The following ANK1 variants were observed in gnomAD, a reference collection of about 807,000 sequenced individuals.
ANK1 encodes the protein ankyrin 1.
ANK1 carries 51 observed loss-of-function variants against 210.4 expected under a neutral mutation model. That is an observed-to-expected ratio of 0.24 (90% CI 0.19 to 0.31). The LOEUF (loss-of-function observed/expected upper bound fraction) is 0.31, where lower values mean the gene tolerates loss of function less well. ANK1 is among the 10% of genes least tolerant of loss of function. The probability of loss-of-function intolerance (pLI) is 1.00; values close to 1 mark genes in which losing one functional copy is unlikely to be tolerated. For missense variants in ANK1, 2,051 were observed against 2,504.4 expected, an observed-to-expected ratio of 0.82 and a Z score of 3.86; for synonymous variants, 967 against 1,025.9, an observed-to-expected ratio of 0.94 and a Z score of 1.10.
intron 1 of ANK1, among the ~76,000 whole-genome samples, chr8:41,802,954 G>A (rs1449869708): frequency 3.7e-5 from 2 of 53,662 alleles, no homozygotes; most frequent in Admixed American, 2.6e-4. Flanking sequence ...AGAAAGGGGG[G>A]GGGGGAGAGA....
chr8:41,822,250 T>C (rs1804594599), intron 1 of ANK1, among the ~76,000 whole-genome samples: 1 of 152,024 alleles, frequency 6.6e-6, no homozygotes, highest in African/African-American at 2.4e-5. Flanking sequence ...CCTCTCTAAT[T>C]TGTCCTGATT....
intron 2 of ANK1, among the ~76,000 whole-genome samples, chr8:41,737,401 G>T (rs982957413): frequency 6.6e-6 from 1 of 152,144 alleles, no homozygotes; most frequent in South Asian, 2.1e-4. Context: ...TAGAGCTAAC[G>T]AATGGATCTG....
intron 1 of ANK1, among the ~76,000 whole-genome samples, chr8:41,794,087 G>A (rs529457287): frequency 4.4e-4 from 67 of 152,112 alleles, no homozygotes; most frequent in Non-Finnish European, 7.8e-4. Flanking sequence ...GTGAATCCCT[G>A]GTTTCAAAGG....
chr8:41,670,685 C>A (rs1442686060), intron 38 of ANK1, among the ~76,000 whole-genome samples: 1 of 152,162 alleles, frequency 6.6e-6, no homozygotes, highest in Non-Finnish European at 1.5e-5. Context: ...GTGGAATGGC[C>A]CCACTAGCCT....
chr8:41,866,670 G>A (rs1563933229), intron 1 of ANK1, among the ~76,000 whole-genome samples: 1 of 152,148 alleles, frequency 6.6e-6, no homozygotes, highest in African/African-American at 2.4e-5. Flanking sequence ...TCTACTTTCT[G>A]TCTCTGTGCA....
intron 1 of ANK1, among the ~76,000 whole-genome samples, chr8:41,811,518 C>G (rs1802487086): frequency 8.2e-6 from 1 of 121,702 alleles, no homozygotes; most frequent in South Asian, 2.8e-4. Flanking sequence ...CCCATCAGCC[C>G]CATTCGGAAT....
rs540343487 is a variant in ANK1, at chr8:41,819,957, C to T, written c.127-61820G>A. Reference sequence around the variant, plus strand: ...AGCAGCCTGTGAGGCCAGCTCAAACCACTGGCTTATGTAGGGCCCATGCCA... The same window carrying T: ...AGCAGCCTGTGAGGCCAGCTCAAACTACTGGCTTATGTAGGGCCCATGCCA... On this transcript the variant is annotated intron_variant, in intron 1 of 42. Transcript: ENST00000265709. 7.9e-5 allele frequency among the ~76,000 whole-genome samples: 12 copies of T among 152,346 alleles called. 1 individual carries two copies. The highest frequency in any genetic ancestry group is 7.8e-4 in the Admixed American group (12 of 15,310).
intron 23 of ANK1, 48 bp from the exon 24 acceptor site, chr8:41,698,169 A>T: frequency 6.3e-7 from 1 of 1,585,270 alleles, no homozygotes; most frequent in Non-Finnish European, 8.7e-7. Flanking sequence ...CCACATGTGC[A>T]CACAGCTCCT....
At chr8:41,824,139 T>C (rs564057229) in intron 1 of ANK1, among the ~76,000 whole-genome samples, 2 of 152,186 alleles carry the variant, frequency 1.3e-5, no homozygotes, top group East Asian at 1.9e-4. Context: ...TTTGTATTTT[T>C]AGTAGAGATG....
intron 1 of ANK1, among the ~76,000 whole-genome samples, chr8:41,772,319 G>A (rs184240657): frequency 1.3e-5 from 2 of 152,298 alleles, no homozygotes; most frequent in African/African-American, 4.8e-5. Context: ...TCAGTAAAGT[G>A]AAAATAGCTT....
At chr8:41,751,351 G>A (rs1217454368) in intron 2 of ANK1, among the ~76,000 whole-genome samples, 1 of 152,092 alleles carries the variant, frequency 6.6e-6, no homozygotes. Flanking sequence ...GCCTCACTGC[G>A]GCTTGGAGCC....
chr8:41,690,250 T>C lies in ANK1; in HGVS notation c.4081A>G (p.Ile1361Val). The C allele has an allele frequency of 6.2e-7, 1 of 1,614,232 alleles. No individual in the cohort carries two copies. The highest frequency in any genetic ancestry group is 1.3e-5 in the African/African-American group (1 of 75,058). Residue 1361 changes from isoleucine to valine, a missense_variant, in exon 33 of 43, where the codon ATC becomes GTC. Ile to Val is a conservative substitution (Grantham distance 29). Coordinates refer to ENST00000289734, the MANE Select transcript of ANK1 (RefSeq NM_000037.4). ...DTQHILCHLN[I>V]TMPPCAKGSG... ...ACCTTGGCGCAGGGGGGCATGGTGA[T>C]GTTCAGGTGGCAGAGAATGTGCTGG...
Position 41,780,955 on chromosome 8 carries a change from G to C in ANK1, c.27+16557C>G, listed in dbSNP as rs539195835. Among the ~76,000 whole-genome samples the C allele has an allele frequency of 4.7e-4, 72 of 152,038 alleles. 1 individual carries two copies. The highest frequency in any genetic ancestry group is 1.7e-3 in the African/African-American group (69 of 41,418). On this transcript the variant is annotated intron_variant, in intron 1 of 42. Transcript: ENST00000289734. ...ACAAGGAGGATGCAGCTGGGGGTGGGGAGAGAATATACTACAAAAAGAAAT... is the reference window on the plus strand; with the variant it reads ...ACAAGGAGGATGCAGCTGGGGGTGGCGAGAGAATATACTACAAAAAGAAAT...
rs756062402 is a variant in ANK1 at position 41,695,341 on chromosome 8, G to A, written c.2961-10C>T. ...CTCCACGATTACAGGGCTGAGGCAA[G>A]GACACAGTGGTGGTGGGGAGGTGCT... is the stretch of plus-strand genomic sequence containing the variant. On this transcript the variant is annotated splice_polypyrimidine_tract_variant and intron_variant, in intron 26 of 42. Transcript: ENST00000289734. 1 of 1,613,864 alleles carries A rather than the reference G, an allele frequency of 6.2e-7. No individual in the cohort carries two copies. The highest frequency in any genetic ancestry group is 1.7e-5 in the Admixed American group (1 of 60,028).
At chr8:41,803,129 G>GAA (rs1850406692) in intron 1 of ANK1, among the ~76,000 whole-genome samples, 1 of 140,730 alleles carries the variant, frequency 7.1e-6, no homozygotes, top group Admixed American at 7.1e-5. Context: ...GAAAGGAAAG[G>GAA]AAAGGAAAGA....
chr8:41,694,707 T>C lies in ANK1; in HGVS notation c.3212A>G (p.Gln1071Arg). 1.2e-6 allele frequency: 2 copies of C among 1,614,176 alleles called. No individual in the cohort carries two copies. The highest frequency in any genetic ancestry group is 1.7e-6 in the Non-Finnish European group (2 of 1,180,024). The change falls in exon 28 of 43, where the codon CAG (glutamine) becomes CGG (arginine). Residue 1071 changes from glutamine to arginine, a missense_variant. Physicochemically the swap from Gln to Arg is conservative, Grantham distance 43. Around this residue, in one of 6 missense-constraint regions of ANK1, gnomAD observed 1,413 missense variants for 1,707.4 expected, o/e 0.83. Transcript: ENST00000289734. The surrounding 1 kb of genome is among the most constrained non-coding windows in gnomAD (Gnocchi z 5.7). ...TTCGGGACCGATGGTGTCGTAGTCC[T>C]GGCAGAGCCGTGACATGATCACGAA... is the stretch of plus-strand genomic sequence containing the variant. ...LYFVIMSRLC[Q>R]DYDTIGPEGG...
intron 1 of ANK1, among the ~76,000 whole-genome samples, chr8:41,882,391 C>T (rs1052243945): frequency 3.3e-5 from 5 of 152,140 alleles, no homozygotes; most frequent in African/African-American, 9.7e-5. Context: ...CCATCACCTT[C>T]CTGGGGGAGT....
intron 42 of ANK1, 107 bp from the exon 43 acceptor site, chr8:41,655,860 T>A: frequency 7.5e-7 from 1 of 1,324,608 alleles, no homozygotes; most frequent in Non-Finnish European, 1.1e-6. Context: ...CGAATCTGAC[T>A]CAGGAAAAGC....
At chr8:41,865,483 C>T (rs964750302) in intron 1 of ANK1, among the ~76,000 whole-genome samples, 27 of 152,028 alleles carry the variant, frequency 1.8e-4, no homozygotes, top group African/African-American at 6.0e-4. Context: ...CTCTGTGCTC[C>T]GAGGCCTCCC....
Sources: gnomAD v4.1 joint callset for allele counts (sites outside exome capture counted in the v4.1 genomes callset) on GRCh38, gnomAD v4.1.1 for gene constraint, gnomAD v4.1.1 regional missense constraint, Gnocchi (gnomAD v3.1) non-coding constraint, MANE v1.5 for transcripts, NCBI Gene and HGNC (gene_info 2026-07-23, HGNC 2026-07-21) for gene names.